SLCO1A2: variants seen among roughly 807,000 people sequenced by gnomAD.
The protein encoded by SLCO1A2 is OATP-1.
SLCO1A2 carries 67 observed loss-of-function variants against 69.0 expected under a neutral mutation model. That is an observed-to-expected ratio of 0.97 (90% CI 0.80 to 1.19). The LOEUF is 1.19. SLCO1A2 is among the 50% of genes most tolerant of loss of function. SLCO1A2 has a pLI of 0.00. For synonymous variants in SLCO1A2, 260 were observed against 265.9 expected, an observed-to-expected ratio of 0.98 and a Z score of 0.22; for missense variants, 787 against 793.7, an observed-to-expected ratio of 0.99 and a Z score of 0.10.
At chr12:21,323,507 G>A (rs1458356828) in intron 2 of SLCO1A2, among the ~76,000 whole-genome samples, 1 of 152,172 alleles carries the variant, frequency 6.6e-6, no homozygotes, top group Admixed American at 6.6e-5. Context: ...CAAGGCTGCA[G>A]TAAGCCTTGA....
intron 12 of SLCO1A2, among the ~76,000 whole-genome samples, chr12:21,279,395 C>T (rs914790124): frequency 6.6e-6 from 1 of 152,096 alleles, no homozygotes; most frequent in African/African-American, 2.4e-5. Context: ...CCAAAGATTA[C>T]CTCAAGGAAT....
At chr12:21,347,439 A>C (rs1175402966) in intron 2 of SLCO1A2, among the ~76,000 whole-genome samples, 1 of 152,180 alleles carries the variant, frequency 6.6e-6, no homozygotes, top group East Asian at 1.9e-4. Flanking sequence ...TGAGGTCAGG[A>C]GTTCAAGACC....
chr12:21,395,956 AG>A, upstream of SLCO1A2, among the ~76,000 whole-genome samples: 1 of 150,788 alleles, frequency 6.6e-6, no homozygotes, highest in Non-Finnish European at 1.5e-5. Context: ...AACTCTAAAA[AG>A]CAGAGCGCCT....
In SLCO1A2 at chr12:21,316,590, A is replaced by G. The variant is rs1342646067; in HGVS notation, c.203-1909T>C. 2.7e-5 allele frequency among the ~76,000 whole-genome samples: 4 copies of G among 146,686 alleles called. No homozygotes were observed. In the South Asian group the frequency reaches 6.4e-4, roughly 23 times the overall value. On this transcript the variant is annotated intron_variant, in intron 3 of 14. Coordinates refer to ENST00000683939, the MANE Select transcript of SLCO1A2 (RefSeq NM_001386879.1). ...TCAAATTTCTACTCCTTTGTTTTTCATAATACCATTTTCTCCTAGTTCCCC... is the reference window on the plus strand; with the variant it reads ...TCAAATTTCTACTCCTTTGTTTTTCGTAATACCATTTTCTCCTAGTTCCCC...
At chr12:21,367,513 A>T (rs1265774096) in intron 2 of SLCO1A2, among the ~76,000 whole-genome samples, 1 of 151,736 alleles carries the variant, frequency 6.6e-6, no homozygotes, top group Non-Finnish European at 1.5e-5. Context: ...AGAAGGAAAT[A>T]TTATCATATG....
At chr12:21,347,996 C>T (rs753890239) in intron 2 of SLCO1A2, among the ~76,000 whole-genome samples, 19 of 152,316 alleles carry the variant, frequency 1.2e-4, no homozygotes, top group Non-Finnish European at 2.1e-4. Context: ...ATGCTTTCTT[C>T]ATCAGGAAGT....
intron 1 of SLCO1A2, chr12:21,403,283 G>GA (rs1381344288): frequency 1.3e-5 from 2 of 152,058 alleles, no homozygotes; most frequent in Admixed American, 1.3e-4. Context: ...TTGCTGTCAG[G>GA]AATGTATAAA....
At chr12:21,300,294 T>A in intron 8 of SLCO1A2, 54 bp downstream of exon 8, 3 of 1,276,080 alleles carry the variant, frequency 2.4e-6, no homozygotes, top group Non-Finnish European at 3.3e-6. Context: ...AATACAGACA[T>A]ATCTATATGA....
At chr12:21,328,688 TGG>T (rs776701823) in intron 2 of SLCO1A2, among the ~76,000 whole-genome samples, 27 of 152,122 alleles carry the variant, frequency 1.8e-4, no homozygotes, top group African/African-American at 3.9e-4. Context: ...GAACTACCAT[TGG>T]CCTTTGGAGT....
intron 2 of SLCO1A2, among the ~76,000 whole-genome samples, chr12:21,329,008 C>T (rs1167057824): frequency 6.6e-6 from 1 of 152,144 alleles, no homozygotes; most frequent in African/African-American, 2.4e-5. Context: ...AGTAAACAGA[C>T]CTTACAGTAG....
chr12:21,335,436 C>T (rs771080374), upstream of SLCO1A2, among the ~76,000 whole-genome samples: 2 of 143,056 alleles, frequency 1.4e-5, no homozygotes, highest in Non-Finnish European at 2.9e-5. Flanking sequence ...AACATACAGG[C>T]ACACATTTTT....
chr12:21,386,483 T>G (rs953422797), intron 1 of SLCO1A2, among the ~76,000 whole-genome samples: 2 of 152,030 alleles, frequency 1.3e-5, no homozygotes, highest in African/African-American at 4.8e-5. Flanking sequence ...CCCACACTGT[T>G]CTCATGATAG....
chr12:21,356,981 A>C (rs555273721), intron 2 of SLCO1A2, among the ~76,000 whole-genome samples: 1 of 152,302 alleles, frequency 6.6e-6, no homozygotes, highest in South Asian at 2.1e-4. Flanking sequence ...AATAGCAATA[A>C]TACAGAAAAT....
chr12:21,296,775 A>G (rs1292415745), intron 9 of SLCO1A2, among the ~76,000 whole-genome samples: 1 of 152,212 alleles, frequency 6.6e-6, no homozygotes, highest in Non-Finnish European at 1.5e-5. Flanking sequence ...CCCACGCCCT[A>G]GAGTCTGATT....
chr12:21,372,059 AT>A (rs1210743890), intron 2 of SLCO1A2, among the ~76,000 whole-genome samples: 1 of 152,166 alleles, frequency 6.6e-6, no homozygotes, highest in Non-Finnish European at 1.5e-5. Context: ...AGAAAAAGCA[AT>A]TTGGAGAAAA....
intron 2 of SLCO1A2, among the ~76,000 whole-genome samples, chr12:21,355,546 G>C (rs1335635280): frequency 6.6e-6 from 1 of 152,156 alleles, no homozygotes; most frequent in Non-Finnish European, 1.5e-5. Flanking sequence ...CAAGGTTAGG[G>C]AGCTGATGTG....
intron 1 of SLCO1A2, among the ~76,000 whole-genome samples, chr12:21,404,551 G>A (rs531985577): frequency 1.7e-4 from 26 of 152,190 alleles, no homozygotes; most frequent in African/African-American, 5.8e-4. Context: ...CCATGTCCCT[G>A]CAAAGGACAT....
At chr12:21,363,966 G>T (rs1164857423) in intron 2 of SLCO1A2, among the ~76,000 whole-genome samples, 1 of 152,168 alleles carries the variant, frequency 6.6e-6, no homozygotes, top group African/African-American at 2.4e-5. Context: ...TCTACCAGAG[G>T]TAAAAAGAGG....
At chr12:21,330,448 G>T (rs1442544153) in intron 2 of SLCO1A2, among the ~76,000 whole-genome samples, 5 of 152,156 alleles carry the variant, frequency 3.3e-5, no homozygotes, top group Non-Finnish European at 7.4e-5. Flanking sequence ...GGTTGAGGGT[G>T]CAGTGAACTG....
Sources: gnomAD v4.1 joint callset for allele counts (sites outside exome capture counted in the v4.1 genomes callset) on GRCh38, gnomAD v4.1.1 for gene constraint, MANE v1.5 for transcripts, NCBI Gene and HGNC (gene_info 2026-07-23, HGNC 2026-07-21) for gene names.